The following UMAD1 variants were observed in gnomAD, a reference collection of about 807,000 sequenced individuals.
The protein encoded by UMAD1 is UBAP1-MVB12-associated (UMA) domain containing 1.
In UMAD1, 8 loss-of-function variants were observed where a neutral mutation model predicts 6.1. The ratio of observed to expected loss-of-function variants is 1.30; its 90% confidence interval spans 0.76 to 2.35. The LOEUF (loss-of-function observed/expected upper bound fraction) is 2.35. Among genes scored for constraint, UMAD1 ranks in the 30% most tolerant of loss-of-function variants. The pLI, the probability that UMAD1 is intolerant of heterozygous loss-of-function variation, is 0.00. For synonymous variants in UMAD1, 56 were observed against 31.4 expected, an observed-to-expected ratio of 1.78 and a Z score of -2.61; for missense variants, 130 against 78.4, an observed-to-expected ratio of 1.66 and a Z score of -2.49.
chr7:7,775,011 C>T (rs1183788355), intron 2 of UMAD1, among the ~76,000 whole-genome samples: 5 of 152,132 alleles, frequency 3.3e-5, no homozygotes, highest in East Asian at 1.9e-4. Flanking sequence ...CTTTTAATCT[C>T]CTCTACCGGT....
intron 3 of UMAD1, among the ~76,000 whole-genome samples, chr7:7,803,820 T>TA (rs1259971268): frequency 1.3e-5 from 2 of 151,834 alleles, no homozygotes; most frequent in African/African-American, 4.8e-5. Context: ...TCCCACCCCC[T>TA]AATACAGTCG....
At chr7:7,798,271 T>C (rs1192558172) in intron 2 of UMAD1, among the ~76,000 whole-genome samples, 1 of 152,234 alleles carries the variant, frequency 6.6e-6, no homozygotes, top group Non-Finnish European at 1.5e-5. Flanking sequence ...TTCACATCAG[T>C]CCTTTAAGTT....
chr7:7,693,668 A>G (rs919973458), intron 2 of UMAD1, among the ~76,000 whole-genome samples: 2 of 152,156 alleles, frequency 1.3e-5, no homozygotes, highest in African/African-American at 2.4e-5. Context: ...GGATTGCACA[A>G]ATTTATGCCT....
At chr7:7,849,275 C>G (rs762788833) in intron 3 of UMAD1, among the ~76,000 whole-genome samples, 5 of 152,136 alleles carry the variant, frequency 3.3e-5, no homozygotes, top group Non-Finnish European at 7.4e-5. Flanking sequence ...TAACACTTCC[C>G]ACAGTTGCTT....
chr7:7,707,606 T>A (rs1050894162), intron 2 of UMAD1, among the ~76,000 whole-genome samples: 1 of 152,200 alleles, frequency 6.6e-6, no homozygotes, highest in Non-Finnish European at 1.5e-5. Context: ...TTCATAAAGC[T>A]AACAAATAAT....
chr7:7,649,158 C>CAAAAAAAAAAA (rs34943326), intron 1 of UMAD1, among the ~76,000 whole-genome samples: 8 of 128,872 alleles, frequency 6.2e-5, no homozygotes, highest in African/African-American at 8.7e-5. Context: ...GACTCCATCT[C>CAAAAAAAAAAA]AAAAAAAAAA....
At chr7:7,808,833 A>G (rs777681388) in intron 3 of UMAD1, among the ~76,000 whole-genome samples, 11 of 152,016 alleles carry the variant, frequency 7.2e-5, no homozygotes, top group Non-Finnish European at 1.0e-4. Context: ...ACGAATTCAC[A>G]TATGCATATG....
At chr7:7,676,894 T>A (rs899228564) in intron 2 of UMAD1, among the ~76,000 whole-genome samples, 3 of 152,106 alleles carry the variant, frequency 2.0e-5, no homozygotes, top group Non-Finnish European at 4.4e-5. Flanking sequence ...AGGTAAACTC[T>A]TTTTTAAAAA....
chr7:7,799,223 G>C (rs1380560983), intron 2 of UMAD1, among the ~76,000 whole-genome samples: 1 of 152,166 alleles, frequency 6.6e-6, no homozygotes, highest in African/African-American at 2.4e-5. Context: ...ATTCTTTTCT[G>C]TTTGTTGTTT....
intron 2 of UMAD1, among the ~76,000 whole-genome samples, chr7:7,724,618 C>A (rs1222209433): frequency 6.6e-6 from 1 of 152,220 alleles, no homozygotes; most frequent in Non-Finnish European, 1.5e-5. Flanking sequence ...CCACTCAGCT[C>A]TCCTGTTTGG....
At chr7:7,692,088 CT>C (rs1329704732) in intron 2 of UMAD1, among the ~76,000 whole-genome samples, 2 of 152,086 alleles carry the variant, frequency 1.3e-5, no homozygotes, top group African/African-American at 2.4e-5. Context: ...CTCTTTACCC[CT>C]GGGGTTCCAT....
chr7:7,684,018 C>T (rs1192890099), intron 2 of UMAD1, among the ~76,000 whole-genome samples: 1 of 152,212 alleles, frequency 6.6e-6, no homozygotes, highest in Admixed American at 6.5e-5. Flanking sequence ...CATTGACGCT[C>T]AACGCTCTGA....
intron 3 of UMAD1, among the ~76,000 whole-genome samples, chr7:7,853,524 A>G (rs1783958880): frequency 1.3e-5 from 2 of 151,426 alleles, no homozygotes; most frequent in South Asian, 4.2e-4. Flanking sequence ...TGAGTTTTGT[A>G]CTTCTTTCAT....
intron 1 of UMAD1, among the ~76,000 whole-genome samples, chr7:7,657,837 A>G (rs1402313505): frequency 6.6e-6 from 1 of 152,180 alleles, no homozygotes; most frequent in Non-Finnish European, 1.5e-5. Flanking sequence ...AGTTTTTTCT[A>G]ATTCTGTGAA....
chr7:7,827,524 T>C (rs574870816), intron 3 of UMAD1, among the ~76,000 whole-genome samples: 29 of 152,300 alleles, frequency 1.9e-4, no homozygotes, highest in Admixed American at 6.5e-4. Flanking sequence ...TTTTAATACA[T>C]ATATTTGAAG....
At chr7:7,653,623 C>T (rs1785276267) in intron 1 of UMAD1, among the ~76,000 whole-genome samples, 1 of 152,202 alleles carries the variant, frequency 6.6e-6, no homozygotes, top group Non-Finnish European at 1.5e-5. Flanking sequence ...TCATTGTTCA[C>T]ACTGAAGAAA....
intron 2 of UMAD1, among the ~76,000 whole-genome samples, chr7:7,775,371 C>T (rs1338122477): frequency 2.0e-5 from 3 of 152,194 alleles, no homozygotes; most frequent in Non-Finnish European, 4.4e-5. Flanking sequence ...CAGTTTCCAC[C>T]ATGCTGTTCT....
At chr7:7,720,728 A>G (rs905991249) in intron 2 of UMAD1, among the ~76,000 whole-genome samples, 2 of 152,186 alleles carry the variant, frequency 1.3e-5, no homozygotes, top group African/African-American at 4.8e-5. Flanking sequence ...AACAAGGGGC[A>G]TTTTACTGAA....
intron 2 of UMAD1, among the ~76,000 whole-genome samples, chr7:7,779,940 G>A (rs1437935762): frequency 6.6e-6 from 1 of 152,138 alleles, no homozygotes; most frequent in Non-Finnish European, 1.5e-5. Context: ...CACTGTGCCC[G>A]GCCCAAGTTT....
Sources: gnomAD v4.1 joint callset for allele counts (sites outside exome capture counted in the v4.1 genomes callset) on GRCh38, gnomAD v4.1.1 for gene constraint, MANE v1.5 for transcripts, NCBI Gene and HGNC (gene_info 2026-07-23, HGNC 2026-07-21) for gene names.